PKIB: variants seen among roughly 807,000 people sequenced by gnomAD.
The protein encoded by PKIB is cAMP-dependent protein kinase inhibitor beta.
A neutral mutation model predicts 4.5 loss-of-function variants in PKIB; 2 were observed. That is an observed-to-expected ratio of 0.44 (90% CI 0.18 to 1.39). The LOEUF (loss-of-function observed/expected upper bound fraction) is 1.39, where lower values mean the gene tolerates loss of function less well. PKIB is among the 40% of genes most tolerant of loss of function. The probability of loss-of-function intolerance (pLI) is 0.27; values close to 1 mark genes in which losing one functional copy is unlikely to be tolerated. For missense variants in PKIB, 94 were observed against 92.6 expected, an observed-to-expected ratio of 1.02 and a Z score of -0.06; for synonymous variants, 38 against 36.0, an observed-to-expected ratio of 1.06 and a Z score of -0.20.
intron 2 of PKIB, among the ~76,000 whole-genome samples, chr6:122,499,131 A>G (rs1776153547): frequency 6.6e-6 from 1 of 152,212 alleles, no homozygotes; most frequent in East Asian, 1.9e-4. Context: ...ATTCTACCAG[A>G]CATACAAAGA....
At chr6:122,691,888 T>C (rs935819027) in intron 3 of PKIB, among the ~76,000 whole-genome samples, 4 of 152,222 alleles carry the variant, frequency 2.6e-5, no homozygotes, top group African/African-American at 9.6e-5. Flanking sequence ...ATCTAAGGCA[T>C]ATCTGCATTA....
At chr6:122,621,539 T>TTGTTA (rs2114789885) in intron 1 of PKIB, among the ~76,000 whole-genome samples, 1 of 152,252 alleles carries the variant, frequency 6.6e-6, no homozygotes, top group South Asian at 2.1e-4. Context: ...TCTGTAGAGG[T>TTGTTA]GATGCTATTG....
chr6:122,504,101 G>T (rs1381888455), intron 2 of PKIB, among the ~76,000 whole-genome samples: 10 of 152,010 alleles, frequency 6.6e-5, no homozygotes, highest in Admixed American at 5.9e-4. Context: ...AGTGTTCTGG[G>T]CCTATGTTTG....
At chr6:122,716,187 T>C (rs7453674) in intron 3 of PKIB, among the ~76,000 whole-genome samples, 41,252 of 152,090 alleles carry the variant, frequency 0.27, 5,858 homozygotes, top group Middle Eastern at 0.32. Context: ...ATCAGACATA[T>C]ACCTTATAGT....
intron 2 of PKIB, among the ~76,000 whole-genome samples, chr6:122,491,835 G>A (rs1157477574): frequency 6.6e-6 from 1 of 152,086 alleles, no homozygotes; most frequent in Non-Finnish European, 1.5e-5. Context: ...TTTTTATCTA[G>A]AAAACTAAGG....
chr6:122,616,660 C>A (rs1209653502), intron 1 of PKIB, among the ~76,000 whole-genome samples: 1 of 151,246 alleles, frequency 6.6e-6, no homozygotes, highest in Non-Finnish European at 1.5e-5. Flanking sequence ...CTTGAACATA[C>A]AATGTTTTCA....
At chr6:122,713,439 A>G (rs1311760428) in intron 3 of PKIB, among the ~76,000 whole-genome samples, 3 of 152,148 alleles carry the variant, frequency 2.0e-5, no homozygotes, top group African/African-American at 4.8e-5. Context: ...TCTCTGCAGT[A>G]TTTCCTCATC....
In PKIB at chr6:122,725,265, A is replaced by G; in HGVS notation, c.*70A>G. ...GACTTAGTGGTTCTGTTTTCTTGAG[A>G]CATTTAATCTGGTGGTAACTGTGGT... On this transcript the variant is annotated 3_prime_UTR_variant, in exon 5 of 5. Coordinates refer to ENST00000368452, the MANE Select transcript of PKIB (RefSeq NM_181795.3). 1.6e-6 allele frequency: 2 copies of G among 1,277,188 alleles called. No homozygotes were observed. Among genetic ancestry groups the G allele is most frequent in the South Asian group, 2.6e-5 (2 of 77,040 alleles). 79.1% of individuals were successfully genotyped at this position (1,277,188 alleles called of 1,614,324 possible).
Position 122,518,895 on chromosome 6 carries a change from C to T in PKIB, c.-248+40956C>T, listed in dbSNP as rs138938765. The stretch of plus-strand genomic sequence containing the variant: ...ATTGGTCATTCAGACGCAGACTGAG[C>T]ACCACATGCTGACCACTTTACTGTA... On this transcript the variant is annotated intron_variant, in intron 2 of 6. Transcript: ENST00000392491. 6.3e-3 allele frequency among the ~76,000 whole-genome samples: 963 copies of T among 152,282 alleles called. 9 individuals carry two copies. The highest frequency in any genetic ancestry group is 9.4e-3 in the Non-Finnish European group (641 of 68,022).
intron 3 of PKIB, among the ~76,000 whole-genome samples, chr6:122,708,641 C>T (rs777580302): frequency 6.6e-6 from 1 of 152,056 alleles, no homozygotes; most frequent in East Asian, 1.9e-4. Flanking sequence ...CAGAGTTAAT[C>T]TCTTTTTCTT....
chr6:122,698,319 C>T (rs2115018965), intron 3 of PKIB, among the ~76,000 whole-genome samples: 1 of 152,284 alleles, frequency 6.6e-6, no homozygotes, highest in South Asian at 2.1e-4. Context: ...AGGCCACCAC[C>T]TTCTACAGAT....
intron 1 of PKIB, among the ~76,000 whole-genome samples, chr6:122,627,881 T>C (rs1005643639): frequency 6.6e-6 from 1 of 151,978 alleles, no homozygotes; most frequent in Non-Finnish European, 1.5e-5. Context: ...ATTTAATTTA[T>C]AAAATATATA....
At chr6:122,496,476 C>G (rs1776078756) in intron 2 of PKIB, among the ~76,000 whole-genome samples, 1 of 152,058 alleles carries the variant, frequency 6.6e-6, no homozygotes, top group Admixed American at 6.5e-5. Context: ...AAAATCAATA[C>G]AAATACACTT....
intron 2 of PKIB, among the ~76,000 whole-genome samples, chr6:122,542,402 G>C (rs2114639330): frequency 6.6e-6 from 1 of 152,176 alleles, no homozygotes; most frequent in East Asian, 1.9e-4. Flanking sequence ...CCTTCTAACA[G>C]ACAGGACCCT....
At chr6:122,715,316 A>C (rs1386792240) in intron 3 of PKIB, among the ~76,000 whole-genome samples, 1 of 152,098 alleles carries the variant, frequency 6.6e-6, no homozygotes, top group Non-Finnish European at 1.5e-5. Flanking sequence ...TCATTTATTC[A>C]TGGAGCTGTT....
At chr6:122,549,290 T>C (rs2114651820) in intron 2 of PKIB, among the ~76,000 whole-genome samples, 1 of 152,334 alleles carries the variant, frequency 6.6e-6, no homozygotes, top group East Asian at 1.9e-4. Flanking sequence ...AAGAAGATAA[T>C]ATGGTAACCT....
At chr6:122,522,489 C>CA (rs1272136632) in intron 2 of PKIB, among the ~76,000 whole-genome samples, 1 of 152,188 alleles carries the variant, frequency 6.6e-6, no homozygotes, top group African/African-American at 2.4e-5. Flanking sequence ...GCAGCTAGCT[C>CA]AGTGTCTCAG....
intron 2 of PKIB, among the ~76,000 whole-genome samples, chr6:122,551,627 A>C (rs1352920586): frequency 6.6e-6 from 1 of 152,100 alleles, no homozygotes; most frequent in Non-Finnish European, 1.5e-5. Flanking sequence ...TGGGGAACAA[A>C]AAAGTCATCA....
chr6:122,614,818 G>T (rs929584496), intron 1 of PKIB, among the ~76,000 whole-genome samples: 2 of 152,152 alleles, frequency 1.3e-5, no homozygotes, highest in African/African-American at 4.8e-5. Flanking sequence ...GCATGTGTGT[G>T]TAAAGAGGGC....
Sources: gnomAD v4.1 joint callset for allele counts (sites outside exome capture counted in the v4.1 genomes callset) on GRCh38, gnomAD v4.1.1 for gene constraint, MANE v1.5 for transcripts, NCBI Gene and HGNC (gene_info 2026-07-23, HGNC 2026-07-21) for gene names.